The following RPS6KA2 variants were observed in gnomAD, a reference collection of about 807,000 sequenced individuals.
RPS6KA2 encodes the protein ribosomal protein S6 kinase alpha-2.
A neutral mutation model predicts 91.8 loss-of-function variants in RPS6KA2; 42 were observed. The ratio of observed to expected loss-of-function variants is 0.46; its 90% CI spans 0.36 to 0.59. The LOEUF is 0.59. RPS6KA2 is among the 20% of genes least tolerant of loss of function. The pLI, the probability that RPS6KA2 is intolerant of heterozygous loss-of-function variation, is 0.00. For synonymous variants in RPS6KA2, 414 were observed against 393.6 expected (o/e 1.05, Z -0.61); for missense variants, 798 against 978.5 (o/e 0.82, Z 2.46).
intron 3 of RPS6KA2, among the ~76,000 whole-genome samples, chr6:166,516,058 A>G (rs932727936): frequency 6.6e-6 from 1 of 152,196 alleles, no homozygotes; most frequent in Non-Finnish European, 1.5e-5. Flanking sequence ...AGAATGTACA[A>G]AACCAAACGG....
intron 14 of RPS6KA2, among the ~76,000 whole-genome samples, chr6:166,447,153 C>A (rs1416450233): frequency 6.6e-6 from 1 of 152,112 alleles, no homozygotes; most frequent in Non-Finnish European, 1.5e-5. Context: ...CCTACGCGCC[C>A]CAGGCTGCAG....
At chr6:166,781,542 G>A (rs1778773040) in intron 2 of RPS6KA2, among the ~76,000 whole-genome samples, 3 of 152,196 alleles carry the variant, frequency 2.0e-5, no homozygotes, top group Admixed American at 2.0e-4. Context: ...ACCTGGTGGG[G>A]CTGACCCAGG....
In RPS6KA2 at chr6:166,776,951, T is replaced by C. The variant is rs1778637697; in HGVS notation, c.123+81249A>G. On this transcript the variant is annotated intron_variant, in intron 2 of 21. Coordinates refer to the RPS6KA2 transcript ENST00000503859. ...CCTAGGAGGGGGTCAGCCGCAGCCT[T>C]TCATGTGCTTCTCCGCCATTTGTAG... Among the ~76,000 whole-genome samples the C allele has an allele frequency of 4.6e-5, 7 of 152,338 alleles. No individual in the cohort carries two copies. In the South Asian group the frequency reaches 1.5e-3, roughly 32 times the overall value.
In RPS6KA2 at chr6:166,707,771, C is replaced by T. The variant is rs76265808; in HGVS notation, c.123+150429G>A. On this transcript the variant is annotated intron_variant, in intron 2 of 21. Transcript: ENST00000503859. ...CTCTCTCTTTTTTTTCAGGGTCTTACTTTGTTGCCCAGGCTGAAGTACAGT... is the reference window on the plus strand; with the variant it reads ...CTCTCTCTTTTTTTTCAGGGTCTTATTTTGTTGCCCAGGCTGAAGTACAGT... 7.6e-3 allele frequency among the ~76,000 whole-genome samples: 1,158 copies of T among 151,676 alleles called. 10 individuals are homozygous for T. The highest frequency in any genetic ancestry group is 0.027 in the African/African-American group (1,102 of 41,324).
At chr6:166,530,747 C>T (rs558806177) in intron 3 of RPS6KA2, among the ~76,000 whole-genome samples, 296 of 152,370 alleles carry the variant, frequency 1.9e-3, no homozygotes, top group Non-Finnish European at 3.5e-3. Context: ...GCACTAGGGG[C>T]TCATCCCTCA....
At chr6:166,810,919 A>C (rs1226525021) in intron 2 of RPS6KA2, among the ~76,000 whole-genome samples, 2 of 152,230 alleles carry the variant, frequency 1.3e-5, no homozygotes, top group African/African-American at 2.4e-5. Flanking sequence ...CACATGAGAC[A>C]GTGACAACTT....
chr6:166,734,922 C>A (rs1172585013), intron 2 of RPS6KA2, among the ~76,000 whole-genome samples: 2 of 152,210 alleles, frequency 1.3e-5, no homozygotes, highest in Non-Finnish European at 2.9e-5. Flanking sequence ...TTCCTATCCT[C>A]TTGTTATGGC....
At chr6:166,486,403 G>A (rs932107652) in intron 10 of RPS6KA2, among the ~76,000 whole-genome samples, 3 of 152,036 alleles carry the variant, frequency 2.0e-5, no homozygotes, top group African/African-American at 4.8e-5. Flanking sequence ...TCTCATTGTC[G>A]CCCCCAGCTG....
chr6:166,460,539 G>C (rs966414780), intron 11 of RPS6KA2: 2 of 152,548 alleles, frequency 1.3e-5, no homozygotes, highest in Non-Finnish European at 2.9e-5. Flanking sequence ...CTGGAAGGCC[G>C]AGGGACCTCC....
At chr6:166,510,662 G>A (rs1036470115) in intron 3 of RPS6KA2, among the ~76,000 whole-genome samples, 5 of 134,872 alleles carry the variant, frequency 3.7e-5, no homozygotes, top group Non-Finnish European at 6.3e-5. Context: ...TTACTCTGAG[G>A]TGCATGTGCA....
At chr6:166,804,739 C>T (rs1398715932) in intron 2 of RPS6KA2, among the ~76,000 whole-genome samples, 1 of 152,036 alleles carries the variant, frequency 6.6e-6, no homozygotes, top group African/African-American at 2.4e-5. Flanking sequence ...CATTCACATT[C>T]TCTGGCATCT....
intron 1 of RPS6KA2, among the ~76,000 whole-genome samples, chr6:166,861,378 T>G (rs1781043375): frequency 6.6e-6 from 1 of 152,184 alleles, no homozygotes; most frequent in Non-Finnish European, 1.5e-5. Context: ...TAGTAGACGT[T>G]AATAAATTTG....
intron 3 of RPS6KA2, among the ~76,000 whole-genome samples, chr6:166,529,636 A>T (rs1783197307): frequency 6.6e-6 from 1 of 152,218 alleles, no homozygotes; most frequent in Non-Finnish European, 1.5e-5. Flanking sequence ...TGAACTAAAA[A>T]CTTGAGTGCC....
chr6:166,771,337 T>C (rs950809389), intron 2 of RPS6KA2, among the ~76,000 whole-genome samples: 3 of 152,238 alleles, frequency 2.0e-5, no homozygotes, highest in Admixed American at 6.5e-5. Flanking sequence ...TTTTAATCTG[T>C]AGATTTCATC....
At chr6:166,422,517 C>T (rs887111929) in intron 17 of RPS6KA2, among the ~76,000 whole-genome samples, 1 of 152,188 alleles carries the variant, frequency 6.6e-6, no homozygotes, top group Non-Finnish European at 1.5e-5. Context: ...GTTCCCTCCT[C>T]CCCTGTCCCA....
chr6:166,858,245 A>G, exon 2 of RPS6KA2: 2 of 1,543,584 alleles, frequency 1.3e-6, no homozygotes, highest in Non-Finnish European at 9.0e-7. Context: ...CCAGGTTGAG[A>G]TCCTCCTCTG....
intron 2 of RPS6KA2, among the ~76,000 whole-genome samples, chr6:166,642,136 A>T (rs1762963291): frequency 6.6e-6 from 1 of 152,194 alleles, no homozygotes; most frequent in African/African-American, 2.4e-5. Context: ...AACCGAAAAA[A>T]AAAATCTCTC....
At chr6:166,643,716 T>C (rs1013120523) in intron 2 of RPS6KA2, among the ~76,000 whole-genome samples, 5 of 152,370 alleles carry the variant, frequency 3.3e-5, no homozygotes, top group African/African-American at 1.2e-4. Context: ...CCAAGATTAA[T>C]ACTGAATCCT....
At chr6:166,573,989 C>G (rs1363344734) in intron 1 of RPS6KA2, among the ~76,000 whole-genome samples, 1 of 152,110 alleles carries the variant, frequency 6.6e-6, no homozygotes, top group Non-Finnish European at 1.5e-5. Flanking sequence ...TCAGTCCTAA[C>G]AGCTCACAAT....
Sources: allele counts gnomAD v4.1 joint callset (sites outside exome capture counted in the v4.1 genomes callset), GRCh38; gene constraint gnomAD v4.1.1; transcripts MANE v1.5; gene names NCBI Gene and HGNC (gene_info 2026-07-23, HGNC 2026-07-21).